The following STX2 variants were observed in gnomAD, a reference collection of about 807,000 sequenced individuals.
STX2 encodes the protein syntaxin 2.
Under a neutral mutation model 40.6 loss-of-function variants are expected in STX2, and 27 were observed. That is an observed-to-expected ratio of 0.66 (90% CI 0.49 to 0.92). STX2 has a LOEUF of 0.92. Among genes scored for constraint, STX2 ranks in the 40% least tolerant of loss-of-function variants. The pLI is 0.00. For missense variants in STX2, 328 were observed against 366.1 expected (o/e 0.90, Z 0.85); for synonymous variants, 123 against 119.1 (o/e 1.03, Z -0.22).
chr12:130,798,409 C>A (rs983239244), intron 9 of STX2, 116 bp downstream of exon 9: 3 of 572,450 alleles, frequency 5.2e-6, no homozygotes, highest in Non-Finnish European at 8.4e-6. Flanking sequence ...TAAAATAAAA[C>A]ATTTATTAAT....
Position 130,823,610 on chromosome 12 carries a change from G to A in STX2, c.106-1822C>T, listed in dbSNP as rs150545150. Reference sequence around the variant, plus strand: ...GGGAGGAAACCCAAGAACACAGGCCGCCTGCGGAAGATGGAGAGGAAGGCA... The same window carrying A: ...GGGAGGAAACCCAAGAACACAGGCCACCTGCGGAAGATGGAGAGGAAGGCA... On this transcript the variant is annotated intron_variant, in intron 2 of 10. Transcript: ENST00000392373. Among the ~76,000 whole-genome samples, 10 of 152,340 alleles carry A rather than the reference G, an allele frequency of 6.6e-5. No homozygotes were observed. The East Asian group carries it at 1.2e-3, about 18-fold the overall frequency.
At chr12:130,838,935 CCCCCG>C in intron 1 of STX2, 130 bp downstream of exon 1, 1 of 957,840 alleles carries the variant, frequency 1.0e-6, no homozygotes, top group South Asian at 3.3e-5. Flanking sequence ...CTGCCCGCAG[CCCCCG>C]CCCCAGAACG....
intron 4 of STX2, among the ~76,000 whole-genome samples, chr12:130,808,971 G>A (rs1009314743): frequency 4.6e-5 from 7 of 152,134 alleles, no homozygotes; most frequent in Non-Finnish European, 5.9e-5. Flanking sequence ...GGCTCAAGCA[G>A]TCCTCCCACC....
At chr12:130,804,685 C>A (rs1389085879) in intron 6 of STX2, among the ~76,000 whole-genome samples, 5 of 152,096 alleles carry the variant, frequency 3.3e-5, no homozygotes, top group Admixed American at 1.3e-4. Context: ...CGTCTCAGCT[C>A]GCTCAGCCTT....
intron 1 of STX2, among the ~76,000 whole-genome samples, chr12:130,835,318 T>A (rs1952722001): frequency 6.6e-6 from 1 of 152,162 alleles, no homozygotes; most frequent in South Asian, 2.1e-4. Flanking sequence ...TTGCAATTCA[T>A]CACCTTGAAA....
chr12:130,820,748 A>G (rs1005200641), intron 3 of STX2, among the ~76,000 whole-genome samples: 3 of 152,224 alleles, frequency 2.0e-5, no homozygotes, highest in Non-Finnish European at 2.9e-5. Context: ...CCTAGGAATA[A>G]ATACAACGAA....
chr12:130,833,890 C>T (rs1408212035), intron 1 of STX2, among the ~76,000 whole-genome samples: 1 of 152,130 alleles, frequency 6.6e-6, no homozygotes, highest in Non-Finnish European at 1.5e-5. Flanking sequence ...GGATCAGGCA[C>T]CATGCAGAAT....
intron 5 of STX2, among the ~76,000 whole-genome samples, chr12:130,807,854 T>C (rs373199844): frequency 6.6e-6 from 1 of 152,274 alleles, no homozygotes; most frequent in East Asian, 1.9e-4. Context: ...AACTGAGTCA[T>C]GCAAAACACT....
At chr12:130,834,236 C>G (rs1952678710) in intron 1 of STX2, among the ~76,000 whole-genome samples, 1 of 151,500 alleles carries the variant, frequency 6.6e-6, no homozygotes, top group African/African-American at 2.4e-5. Context: ...ATACAAAAAT[C>G]AGCTGGGTGT....
At chr12:130,839,016 C>A in intron 1 of STX2, 54 bp downstream of exon 1, 2 of 1,315,042 alleles carry the variant, frequency 1.5e-6, no homozygotes, top group South Asian at 4.0e-5. Flanking sequence ...CCCCGCCCGC[C>A]CTCCAGACGC....
At chr12:130,816,964 A>G (rs1951881403) in intron 3 of STX2, among the ~76,000 whole-genome samples, 1 of 152,196 alleles carries the variant, frequency 6.6e-6, no homozygotes, top group Admixed American at 6.5e-5. Context: ...TAGATCCAGA[A>G]TTGCTGGTGC....
intron 1 of STX2, among the ~76,000 whole-genome samples, chr12:130,831,678 G>A (rs76534626): frequency 0.021 from 3,227 of 152,186 alleles, 128 homozygotes; most frequent in African/African-American, 0.074. Context: ...GGGCCAGTTT[G>A]TAAATATGGT....
intron 1 of STX2, among the ~76,000 whole-genome samples, chr12:130,831,308 T>G (rs1472864335): frequency 6.6e-6 from 1 of 152,236 alleles, no homozygotes; most frequent in Admixed American, 6.5e-5. Context: ...TAGAATACTT[T>G]GACTTACTTT....
intron 1 of STX2, among the ~76,000 whole-genome samples, chr12:130,830,350 GGC>G (rs1952511538): frequency 6.6e-6 from 1 of 152,130 alleles, no homozygotes; most frequent in South Asian, 2.1e-4. Context: ...ACAGTGGCGT[GGC>G]GTAAACAACC....
chr12:130,811,296 T>G (rs1180978568), intron 4 of STX2, among the ~76,000 whole-genome samples: 1 of 144,546 alleles, frequency 6.9e-6, no homozygotes, highest in Non-Finnish European at 1.5e-5. Context: ...AGGTGGAGGT[T>G]GCAGTGAGCC....
chr12:130,794,419 T>C (rs999816768), intron 10 of STX2, among the ~76,000 whole-genome samples: 2 of 152,240 alleles, frequency 1.3e-5, no homozygotes, highest in African/African-American at 4.8e-5. Context: ...TTGTGGCTTT[T>C]GCATAAATGT....
chr12:130,804,388 G>A (rs186637426), intron 6 of STX2, among the ~76,000 whole-genome samples: 47 of 152,286 alleles, frequency 3.1e-4, no homozygotes, highest in African/African-American at 1.1e-3. Flanking sequence ...CTCGACTCGT[G>A]CATGCCAAGC....
chr12:130,838,397 G>A (rs1320873258), intron 1 of STX2, among the ~76,000 whole-genome samples: 1 of 152,206 alleles, frequency 6.6e-6, no homozygotes, highest in Admixed American at 6.5e-5. Flanking sequence ...GTAACTTGCT[G>A]TGTGCCCGGC....
At chr12:130,830,205 T>C (rs1036258134) in intron 1 of STX2, among the ~76,000 whole-genome samples, 1 of 152,132 alleles carries the variant, frequency 6.6e-6, no homozygotes. Flanking sequence ...ATGAGGCAGA[T>C]GCTACTGTGG....
Sources: allele counts gnomAD v4.1 joint callset (sites outside exome capture counted in the v4.1 genomes callset), GRCh38; gene constraint gnomAD v4.1.1; transcripts MANE v1.5; gene names NCBI Gene and HGNC (gene_info 2026-07-23, HGNC 2026-07-21).